Variants in CEP112 observed in about 807,000 individuals in gnomAD.
CEP112 encodes the protein centrosomal protein 112.
Under a neutral mutation model 153.0 loss-of-function variants are expected in CEP112, and 127 were observed. The ratio of observed to expected loss-of-function variants is 0.83; its 90% CI spans 0.72 to 0.96. The LOEUF (loss-of-function observed/expected upper bound fraction) is 0.96, where lower values mean the gene tolerates loss of function less well. Among genes scored for constraint, CEP112 ranks in the 40% least tolerant of loss-of-function variants. CEP112 has a pLI of 0.00. For missense variants in CEP112, 1,089 were observed against 1,101.2 expected (o/e 0.99, Z 0.16); for synonymous variants, 358 against 374.4 (o/e 0.96, Z 0.51).
At chr17:66,016,678 T>G (rs2064788073) in intron 16 of CEP112, among the ~76,000 whole-genome samples, 1 of 152,220 alleles carries the variant, frequency 6.6e-6, no homozygotes, top group South Asian at 2.1e-4. Flanking sequence ...AGTCAATAAG[T>G]ATTTTGCAAA....
chr17:65,789,573 A>T (rs964465032), intron 21 of CEP112, among the ~76,000 whole-genome samples: 4 of 151,862 alleles, frequency 2.6e-5, no homozygotes, highest in African/African-American at 9.7e-5. Context: ...CTCTGTGAAC[A>T]CCAGACTTTA....
chr17:65,717,711 T>A (rs1037972364), intron 23 of CEP112, among the ~76,000 whole-genome samples: 2 of 152,218 alleles, frequency 1.3e-5, no homozygotes, highest in African/African-American at 4.8e-5. Context: ...CTCTCACAGC[T>A]TTTGAGTTTT....
At chr17:66,129,687 A>T (rs1431130197) in intron 6 of CEP112, 59 bp downstream of exon 6, 1 of 1,163,036 alleles carries the variant, frequency 8.6e-7, no homozygotes, top group East Asian at 2.4e-5. Flanking sequence ...CAGATATTAT[A>T]CACATACAAT....
intron 21 of CEP112, among the ~76,000 whole-genome samples, chr17:65,763,422 T>C (rs1384796433): frequency 1.3e-5 from 2 of 152,008 alleles, no homozygotes; most frequent in African/African-American, 4.8e-5. Context: ...TCTCTCTTTC[T>C]TCCCCTTCCT....
intron 17 of CEP112, among the ~76,000 whole-genome samples, chr17:66,005,028 T>C (rs995750): frequency 0.41 from 62,446 of 151,964 alleles, 14,299 homozygotes; most frequent in East Asian, 0.87. Context: ...TCTATGGGAA[T>C]GTACTGAACA....
intron 24 of CEP112, among the ~76,000 whole-genome samples, chr17:65,655,613 A>G (rs2046024846): frequency 6.6e-6 from 1 of 152,180 alleles, no homozygotes; most frequent in Non-Finnish European, 1.5e-5. Flanking sequence ...TTCTTTTCTG[A>G]TAATTTACAG....
intron 23 of CEP112, among the ~76,000 whole-genome samples, chr17:65,734,822 A>C (rs2050707476): frequency 1.3e-5 from 2 of 152,228 alleles, no homozygotes; most frequent in South Asian, 4.1e-4. Flanking sequence ...CCAAAACTTG[A>C]CAAGTGGTAG....
At chr17:66,144,712 G>C (rs1291328186) in intron 4 of CEP112, among the ~76,000 whole-genome samples, 2 of 151,920 alleles carry the variant, frequency 1.3e-5, no homozygotes, top group Non-Finnish European at 2.9e-5. Flanking sequence ...ACAAAAAAAA[G>C]GTTCATTATT....
At chr17:66,158,816 T>C (rs1256203963) in intron 4 of CEP112, among the ~76,000 whole-genome samples, 1 of 151,328 alleles carries the variant, frequency 6.6e-6, no homozygotes, top group Non-Finnish European at 1.5e-5. Flanking sequence ...GCAAACAAAA[T>C]CAAAAGCTAG....
At chr17:66,011,616 A>T (rs545138202) in intron 16 of CEP112, among the ~76,000 whole-genome samples, 34 of 152,016 alleles carry the variant, frequency 2.2e-4, no homozygotes, top group South Asian at 4.2e-4. Context: ...TTATTTGCTG[A>T]GGATTGTTTT....
At chr17:66,143,784 A>G (rs1673988059) in intron 4 of CEP112, among the ~76,000 whole-genome samples, 2 of 152,238 alleles carry the variant, frequency 1.3e-5, no homozygotes, top group Non-Finnish European at 2.9e-5. Context: ...CAGAGGGAAG[A>G]GCCAAGATCA....
At chr17:65,902,121 AC>A (rs762552462) in intron 20 of CEP112, 30 bp downstream of exon 20, 45 of 1,542,174 alleles carry the variant, frequency 2.9e-5, no homozygotes, top group Non-Finnish European at 3.8e-5. Flanking sequence ...AAAAACAGAT[AC>A]CCGTTTTATC....
chr17:65,850,552 G>A (rs1220648910), intron 21 of CEP112, among the ~76,000 whole-genome samples: 8 of 152,198 alleles, frequency 5.3e-5, no homozygotes, highest in South Asian at 4.1e-4. Flanking sequence ...TTGCAACAGC[G>A]TTTTAACTGT....
intron 21 of CEP112, chr17:65,797,014 C>T (rs944387565): frequency 1.3e-5 from 2 of 152,000 alleles, no homozygotes; most frequent in Non-Finnish European, 2.9e-5. Context: ...GTGATTGTGC[C>T]ACTGCACACC....
intron 24 of CEP112, among the ~76,000 whole-genome samples, chr17:65,685,768 G>A (rs2047754755): frequency 6.7e-6 from 1 of 149,930 alleles, no homozygotes; most frequent in Non-Finnish European, 1.5e-5. Flanking sequence ...CACCTCCCAG[G>A]TTCAAGCGAT....
intron 24 of CEP112, among the ~76,000 whole-genome samples, chr17:65,674,853 C>T (rs1251097088): frequency 6.6e-6 from 1 of 151,998 alleles, no homozygotes. Context: ...GACAACATGC[C>T]AAGAGAAACA....
chr17:66,013,936 C>G (rs2064653349), intron 16 of CEP112, among the ~76,000 whole-genome samples: 1 of 152,184 alleles, frequency 6.6e-6, no homozygotes, highest in African/African-American at 2.4e-5. Flanking sequence ...TGTGCATGTT[C>G]ACACTGGTGG....
chr17:65,752,187 G>C (rs546332092), intron 21 of CEP112, among the ~76,000 whole-genome samples: 4 of 151,748 alleles, frequency 2.6e-5, no homozygotes, highest in African/African-American at 9.7e-5. Flanking sequence ...TGTCTGTTTT[G>C]GTCTTTGTCT....
chr17:66,179,471 T>C (rs555401618), intron 2 of CEP112, among the ~76,000 whole-genome samples: 1 of 152,276 alleles, frequency 6.6e-6, no homozygotes, highest in Admixed American at 6.5e-5. Context: ...GATTACTTTC[T>C]TGATTTCTTT....
Sources: gnomAD v4.1 joint callset for allele counts (sites outside exome capture counted in the v4.1 genomes callset) on GRCh38, gnomAD v4.1.1 for gene constraint, MANE v1.5 for transcripts, NCBI Gene and HGNC (gene_info 2026-07-23, HGNC 2026-07-21) for gene names.